The following KLHL2 variants were observed in gnomAD, a reference collection of about 807,000 sequenced individuals.
KLHL2 encodes the protein kelch like family member 2, also known as kelch-like protein 2.
KLHL2 carries 15 observed loss-of-function variants against 75.8 expected under a neutral mutation model. The ratio of observed to expected loss-of-function variants is 0.20; its 90% confidence interval spans 0.13 to 0.30. The LOEUF is 0.30. KLHL2 is among the 10% of genes least tolerant of loss of function. The pLI, the probability that KLHL2 is intolerant of heterozygous loss-of-function variation, is 1.00. For synonymous variants in KLHL2, 214 were observed against 251.9 expected (o/e 0.85, Z 1.42); for missense variants, 381 against 741.0 (o/e 0.51, Z 5.64).
chr4:165,304,416 T>G (rs1745578285), intron 8 of KLHL2, among the ~76,000 whole-genome samples: 1 of 152,236 alleles, frequency 6.6e-6, no homozygotes, highest in South Asian at 2.1e-4. Context: ...CCTCTTTTTG[T>G]GTATATGAGT....
At chr4:165,223,867 A>G (rs1264528120) in intron 2 of KLHL2, 3 of 399,822 alleles carry the variant, frequency 7.5e-6, no homozygotes, top group Non-Finnish European at 1.5e-5. Context: ...AACACACTGT[A>G]TTAGGTCTAT....
At chr4:165,310,154 T>C (rs1746041241) in intron 9 of KLHL2, among the ~76,000 whole-genome samples, 1 of 151,982 alleles carries the variant, frequency 6.6e-6, no homozygotes, top group African/African-American at 2.4e-5. Flanking sequence ...TGAAACCCCA[T>C]CTCTACTAAA....
At chr4:165,234,704 T>G (rs1036854957) in intron 3 of KLHL2, among the ~76,000 whole-genome samples, 2 of 149,128 alleles carry the variant, frequency 1.3e-5, no homozygotes, top group African/African-American at 5.0e-5. Flanking sequence ...AGCCTCCGTC[T>G]CCCGGTTTCA....
intron 6 of KLHL2, among the ~76,000 whole-genome samples, chr4:165,294,718 A>C (rs1342359530): frequency 1.3e-5 from 2 of 152,178 alleles, no homozygotes; most frequent in Non-Finnish European, 2.9e-5. Flanking sequence ...CTAAATTTTT[A>C]GCCACTACAG....
intron 5 of KLHL2, among the ~76,000 whole-genome samples, chr4:165,263,802 ATTGTTTT>A (rs372303897): frequency 1.6e-4 from 15 of 93,546 alleles, no homozygotes; most frequent in African/African-American, 4.9e-4. Context: ...GATTTTTTAC[ATTGTTTT>A]TTTTTTTTTT....
intron 8 of KLHL2, among the ~76,000 whole-genome samples, chr4:165,305,061 A>G (rs1319739013): frequency 3.3e-5 from 5 of 152,180 alleles, no homozygotes; most frequent in Non-Finnish European, 5.9e-5. Flanking sequence ...GCATCAGGAA[A>G]GGTCTCTACT....
At chr4:165,292,487 C>T (rs2126482710) in intron 5 of KLHL2, among the ~76,000 whole-genome samples, 1 of 152,182 alleles carries the variant, frequency 6.6e-6, no homozygotes, top group African/African-American at 2.4e-5. Flanking sequence ...TGTGTGCCAC[C>T]ATGCCTGGCT....
Position 165,258,302 on chromosome 4 carries a change from C to T in KLHL2, c.382-4895C>T, listed in dbSNP as rs367794497. On this transcript the variant is annotated intron_variant, in intron 4 of 14. Transcript: ENST00000226725. ...GAATATACTTAAATCCAGAGAATAA[C>T]AAAATTTAGGGCAGAATTTTTTTTT... Among the ~76,000 whole-genome samples the T allele has an allele frequency of 4.1e-5, 6 of 144,620 alleles. No individual in the cohort carries two copies. In the East Asian group the frequency reaches 8.2e-4, roughly 20 times the overall value. The allele number at this position is 144,620 out of a possible 152,430, so 94.9% of individuals were successfully genotyped here.
intron 5 of KLHL2, among the ~76,000 whole-genome samples, chr4:165,265,299 G>T (rs1242508096): frequency 6.6e-6 from 1 of 151,962 alleles, no homozygotes; most frequent in African/African-American, 2.4e-5. Flanking sequence ...GGCATATTTT[G>T]CAAATATTTC....
chr4:165,297,480 C>A, intron 6 of KLHL2, 129 bp from the exon 7 acceptor site: 1 of 618,596 alleles, frequency 1.6e-6, no homozygotes, highest in Non-Finnish European at 3.0e-6. Flanking sequence ...ATTTTGAAAA[C>A]ACTTGAGCTG....
chr4:165,320,719 A>G (rs1244539850), intron 14 of KLHL2, among the ~76,000 whole-genome samples: 1 of 152,222 alleles, frequency 6.6e-6, no homozygotes, highest in Non-Finnish European at 1.5e-5. Context: ...ACCCAAAACA[A>G]TAAATTCCTG....
intron 2 of KLHL2, chr4:165,224,047 TG>T (rs1738230425): frequency 2.9e-6 from 1 of 341,518 alleles, no homozygotes; most frequent in African/African-American, 2.3e-5. Flanking sequence ...CCCGAGTAGC[TG>T]GGATTACAGG....
chr4:165,320,912 C>T (rs892673355), intron 14 of KLHL2, among the ~76,000 whole-genome samples: 1 of 152,128 alleles, frequency 6.6e-6, no homozygotes, highest in Non-Finnish European at 1.5e-5. Flanking sequence ...ATTAACAGAA[C>T]ATGACTCGAC....
intron 5 of KLHL2, among the ~76,000 whole-genome samples, chr4:165,287,986 C>T (rs1370575640): frequency 1.3e-5 from 2 of 151,958 alleles, no homozygotes; most frequent in Admixed American, 1.3e-4. Context: ...TTTATTGTGT[C>T]CTTTGATGCA....
At chr4:165,315,607 G>A (rs530533243) in intron 13 of KLHL2, among the ~76,000 whole-genome samples, 2 of 152,186 alleles carry the variant, frequency 1.3e-5, no homozygotes, top group South Asian at 4.1e-4. Flanking sequence ...TAATCCAATT[G>A]AGCATATATT....
At position 165,238,815 on chromosome 4, in the gene KLHL2, A is replaced by G; in HGVS notation, c.297A>G (p.Ile99Met). The G allele has an allele frequency of 6.2e-7, 1 of 1,614,116 alleles. No individual in the cohort carries two copies. Among genetic ancestry groups the G allele is most frequent in the African/African-American group, 1.3e-5 (1 of 75,048 alleles). ...AGAGCCGAGCAAAGAGAGTTAGAAT[A>G]AAAGAGGTAGATGGCTGGACCCTGA... The part of the protein sequence containing the change: ...MSESRAKRVR[I>M]KEVDGWTLRM... Residue 99 changes from isoleucine to methionine, a missense_variant, in exon 4 of 15, where the codon ATA (isoleucine) becomes ATG (methionine). Coordinates refer to ENST00000226725, the MANE Select transcript of KLHL2 (RefSeq NM_007246.4).
intron 14 of KLHL2, among the ~76,000 whole-genome samples, chr4:165,321,765 GAGTAT>G (rs1747000860): frequency 6.6e-6 from 1 of 152,088 alleles, no homozygotes; most frequent in Non-Finnish European, 1.5e-5. Flanking sequence ...GTTCCCTTTT[GAGTAT>G]ATTTTCCAAA....
Position 165,262,498 on chromosome 4 carries a change from C to T in KLHL2, c.382-699C>T, listed in dbSNP as rs1424995898. On this transcript the variant is annotated intron_variant, in intron 4 of 14. Coordinates refer to ENST00000226725, the MANE Select transcript of KLHL2 (RefSeq NM_007246.4). ...CACAGATAACTGAAGTGCATGACTG[C>T]TTGAACTAAGAGAACAAAACCATTT... is the stretch of plus-strand genomic sequence containing the variant. Among the ~76,000 whole-genome samples the T allele has an allele frequency of 2.6e-5, 4 of 152,288 alleles. No individual in the cohort carries two copies. In the East Asian group the frequency reaches 7.7e-4, roughly 29 times the overall value.
At chr4:165,227,466 A>G (rs957363365) in intron 2 of KLHL2, among the ~76,000 whole-genome samples, 12 of 152,218 alleles carry the variant, frequency 7.9e-5, no homozygotes, top group African/African-American at 2.4e-4. Context: ...CTCATGGGAA[A>G]TGTTGCTTGT....
Sources: gnomAD v4.1 joint callset for allele counts (sites outside exome capture counted in the v4.1 genomes callset) on GRCh38, gnomAD v4.1.1 for gene constraint, MANE v1.5 for transcripts, NCBI Gene and HGNC (gene_info 2026-07-23, HGNC 2026-07-21) for gene names.